DCC: variants seen among roughly 807,000 people sequenced by gnomAD.
DCC encodes netrin receptor DCC.
A neutral mutation model predicts 172.5 loss-of-function variants in DCC; 58 were observed. The ratio of observed to expected loss-of-function variants is 0.34; its 90% CI spans 0.27 to 0.42. The LOEUF is 0.42. Among genes scored for constraint, DCC ranks in the 10% least tolerant of loss-of-function variants. The pLI is 1.00. For synonymous variants in DCC, 709 were observed against 644.5 expected (o/e 1.10, Z -1.52); for missense variants, 1,740 against 1,791.0 (o/e 0.97, Z 0.51).
At chr18:52,463,768 T>C (rs1431337737) in intron 1 of DCC, among the ~76,000 whole-genome samples, 3 of 152,200 alleles carry the variant, frequency 2.0e-5, no homozygotes, top group Non-Finnish European at 4.4e-5. Context: ...GAAGGACAGA[T>C]TCTTTTCTCA....
At chr18:52,644,840 G>C (rs868085991) in intron 1 of DCC, among the ~76,000 whole-genome samples, 32 of 150,516 alleles carry the variant, frequency 2.1e-4, no homozygotes, top group African/African-American at 7.3e-4. Flanking sequence ...AGGGAGGGAA[G>C]GAGGGAGGGA....
intron 22 of DCC, among the ~76,000 whole-genome samples, chr18:53,448,484 CTGGGTCCCTTCTGGGACACATGGGGA>C (rs1255587018): frequency 6.6e-6 from 1 of 152,218 alleles, no homozygotes; most frequent in Non-Finnish European, 1.5e-5. Flanking sequence ...TTAGCTCCCA[CTGGGTCCCTTCTGGGACACATGGGGA>C]TTATGGGAAC....
At chr18:52,799,596 A>G (rs530771785) in intron 2 of DCC, among the ~76,000 whole-genome samples, 2 of 152,318 alleles carry the variant, frequency 1.3e-5, no homozygotes, top group Admixed American at 6.5e-5. Context: ...CCAAATACCT[A>G]AAGTTAATTC....
Position 53,104,399 on chromosome 18 carries a change from A to G in DCC, c.1261+38233A>G, listed in dbSNP as rs1001916363. ...AAGATCTGATGGTTTTAAAAATGGG[A>G]GTTTCCCTGCACAAGCTCTCTCTCT... On this transcript the variant is annotated intron_variant, in intron 7 of 28. Transcript: ENST00000442544. 2.0e-5 allele frequency among the ~76,000 whole-genome samples: 3 copies of G among 151,848 alleles called. No homozygotes were observed. The East Asian group carries it at 5.8e-4, about 30-fold the overall frequency.
At chr18:53,353,094 A>G (rs2057831573) in intron 15 of DCC, among the ~76,000 whole-genome samples, 2 of 152,234 alleles carry the variant, frequency 1.3e-5, no homozygotes, top group Middle Eastern at 3.4e-3. Flanking sequence ...CCTGACCAAC[A>G]TGGAGAAATC....
chr18:53,257,988 T>A lies in DCC; in HGVS notation c.1911+42391T>A, dbSNP rs554445633. ...TATCCATTTCTTCTAGATTTTCTAG[T>A]TTATTTGTGTAGAGGTCTTTATAGT... On this transcript the variant is annotated intron_variant, in intron 12 of 28. Transcript: ENST00000442544. Among the ~76,000 whole-genome samples, 4 of 152,302 alleles carry A rather than the reference T, an allele frequency of 2.6e-5. No homozygotes were observed. The East Asian group carries it at 7.7e-4, about 29-fold the overall frequency.
In DCC at chr18:52,979,917, C is replaced by T. The variant is rs1378161913; in HGVS notation, c.985+54547C>T. On this transcript the variant is annotated intron_variant, in intron 5 of 28. Coordinates refer to ENST00000442544, the MANE Select transcript of DCC (RefSeq NM_005215.4). ...TAACAGGCGGAGTGGTTGCAAAGGG[C>T]AACTTCAACAACTTTCCACAGCAGC... is the stretch of plus-strand genomic sequence containing the variant. 2.0e-5 allele frequency among the ~76,000 whole-genome samples: 3 copies of T among 152,184 alleles called. No homozygotes were observed. In the East Asian group the frequency reaches 5.8e-4, roughly 29 times the overall value.
At chr18:53,186,077 T>C (rs1187102337) in intron 9 of DCC, among the ~76,000 whole-genome samples, 7 of 152,198 alleles carry the variant, frequency 4.6e-5, no homozygotes, top group Non-Finnish European at 8.8e-5. Flanking sequence ...CCTAAGAAGC[T>C]TCTGCTGGCT....
At chr18:53,341,897 A>G (rs559515034) in intron 15 of DCC, among the ~76,000 whole-genome samples, 192 of 152,276 alleles carry the variant, frequency 1.3e-3, no homozygotes, top group Non-Finnish European at 2.4e-3. Context: ...AGGTATTTAT[A>G]ACTTTTTTTA....
chr18:52,874,188 A>G (rs1568161197), intron 2 of DCC, among the ~76,000 whole-genome samples: 1 of 152,216 alleles, frequency 6.6e-6, no homozygotes, highest in Non-Finnish European at 1.5e-5. Flanking sequence ...AGGTAAATAC[A>G]CTCCTGTAAA....
chr18:53,199,448 C>T lies in DCC; in HGVS notation c.1574-5768C>T, dbSNP rs370843133. Among the ~76,000 whole-genome samples the T allele has an allele frequency of 3.2e-4, 49 of 151,916 alleles. 1 individual carries two copies. The highest frequency in any genetic ancestry group is 1.2e-3 in the East Asian group (6 of 5,192). ...TTCATTTTCTCTTGCAGCTCATGTG[C>T]ATGTAATGTATCACATATGTAAAAG... On this transcript the variant is annotated intron_variant, in intron 9 of 28. Coordinates refer to ENST00000442544, the MANE Select transcript of DCC (RefSeq NM_005215.4).
rs182395604 is a variant in DCC, at chr18:52,893,721, A to T, written c.413-12323A>T. On this transcript the variant is annotated intron_variant, in intron 2 of 28. Transcript: ENST00000442544. ...ATAGCACAAGTTGTTACATAACATG[A>T]TATAACATGTTAATATACCGGAAAC... Among the ~76,000 whole-genome samples the T allele has an allele frequency of 1.2e-3, 182 of 152,254 alleles. 1 individual carries two copies. Among genetic ancestry groups the T allele is most frequent in the African/African-American group, 4.1e-3 (172 of 41,548 alleles).
chr18:52,670,858 T>A (rs2035539411), intron 1 of DCC, among the ~76,000 whole-genome samples: 2 of 150,620 alleles, frequency 1.3e-5, no homozygotes, highest in Non-Finnish European at 3.0e-5. Context: ...AAAAAAAAAA[T>A]CCTAAAAGCT....
chr18:53,269,141 C>G (rs1018592106), intron 12 of DCC, among the ~76,000 whole-genome samples: 1 of 151,974 alleles, frequency 6.6e-6, no homozygotes, highest in African/African-American at 2.4e-5. Flanking sequence ...GGTATATGTG[C>G]ACTTGTGCCT....
chr18:53,435,257 G>T (rs1349813679), intron 22 of DCC, 48 bp downstream of exon 22: 1 of 1,287,912 alleles, frequency 7.8e-7, no homozygotes, highest in East Asian at 2.3e-5. Context: ...TTAATTAAAT[G>T]GTTAATTCAA....
intron 5 of DCC, among the ~76,000 whole-genome samples, chr18:52,988,375 T>A (rs1229739816): frequency 6.6e-6 from 1 of 152,190 alleles, no homozygotes; most frequent in African/African-American, 2.4e-5. Context: ...TCCAAATGAT[T>A]GACAGGTTTT....
intron 7 of DCC, among the ~76,000 whole-genome samples, chr18:53,102,380 A>T (rs1202276889): frequency 1.3e-5 from 2 of 152,086 alleles, no homozygotes; most frequent in African/African-American, 2.4e-5. Flanking sequence ...GAGATAAGTG[A>T]TCATTCCGTG....
chr18:52,640,797 A>G (rs1756320707), intron 1 of DCC, among the ~76,000 whole-genome samples: 1 of 152,146 alleles, frequency 6.6e-6, no homozygotes, highest in Admixed American at 6.6e-5. Flanking sequence ...TGCCAAAAGG[A>G]ATCTACAAAT....
chr18:53,529,438 C>T (rs1030002213), intron 28 of DCC, among the ~76,000 whole-genome samples: 8 of 152,088 alleles, frequency 5.3e-5, no homozygotes, highest in Non-Finnish European at 1.0e-4. Flanking sequence ...CAATGGAATG[C>T]GCTAGCCAAG....
Sources: gnomAD v4.1 joint callset for allele counts (sites outside exome capture counted in the v4.1 genomes callset) on GRCh38, gnomAD v4.1.1 for gene constraint, MANE v1.5 for transcripts, NCBI Gene and HGNC (gene_info 2026-07-23, HGNC 2026-07-21) for gene names.